The following TAFA3 variants were observed in gnomAD, a reference collection of about 807,000 sequenced individuals.
TAFA3 encodes the protein chemokine-like protein TAFA-3.
Under a neutral mutation model 20.7 loss-of-function variants are expected in TAFA3, and 17 were observed. The observed-to-expected ratio is 0.82, with a 90% CI of 0.56 to 1.23. TAFA3 has a LOEUF of 1.23. Ranked by LOEUF, TAFA3 falls within the 50% of genes most tolerant of loss-of-function variation. TAFA3 has a pLI of 0.00. For synonymous variants in TAFA3, 74 were observed against 71.8 expected (o/e 1.03, Z -0.16); for missense variants, 174 against 172.8 (o/e 1.01, Z -0.04).
intron 5 of TAFA3, 69 bp from the exon 6 acceptor site, chr1:112,726,560 T>G: frequency 6.5e-7 from 1 of 1,535,506 alleles, no homozygotes; most frequent in Non-Finnish European, 9.0e-7. Flanking sequence ...ATATTCTGGG[T>G]AGTCTCTGGC....
At position 112,719,014 on chromosome 1, in the gene TAFA3, G is replaced by A. The variant is rs1014838685; in HGVS notation, c.-345G>A. Among the ~76,000 whole-genome samples the A allele has an allele frequency of 6.6e-5, 10 of 152,226 alleles. No homozygotes were observed. Among genetic ancestry groups the A allele is most frequent in the Non-Finnish European group, 1.3e-4 (9 of 68,030 alleles). On this transcript the variant is annotated 5_prime_UTR_variant, in exon 1 of 6. Transcript: ENST00000361886. ...TGCGCGCTCCCCGGCCTGCCGGCAG[G>A]AACCTTGGAAAAAACCCGGCTGAGT...
intron 4 of TAFA3, chr1:112,723,803 C>T (rs1485519104): frequency 3.5e-6 from 3 of 855,372 alleles, no homozygotes; most frequent in African/African-American, 1.7e-5. Flanking sequence ...ATGCAGGGAT[C>T]GGTGGGATTA....
Position 112,726,683 on chromosome 1 carries a change from C to G in TAFA3, c.*43C>G. On this transcript the variant is annotated 3_prime_UTR_variant, in exon 6 of 6. Coordinates refer to ENST00000361886, the MANE Select transcript of TAFA3 (RefSeq NM_182759.3). ...CTGGACAAGAAAGGCTTGACTGAGC[C>G]GTGAACTGAAGAATGGTATCCAGTC... 1 of 1,613,816 alleles carries G rather than the reference C, an allele frequency of 6.2e-7. No homozygotes were observed.
intron 2 of TAFA3, among the ~76,000 whole-genome samples, chr1:112,721,066 G>A (rs114944092): frequency 0.012 from 1,858 of 152,332 alleles, 34 homozygotes; most frequent in African/African-American, 0.042. Flanking sequence ...CAAGTCATTT[G>A]ACTTCTGTTA....
At chr1:112,724,877 C>T (rs1675432315) in intron 5 of TAFA3, among the ~76,000 whole-genome samples, 1 of 141,444 alleles carries the variant, frequency 7.1e-6, no homozygotes, top group African/African-American at 2.6e-5. Context: ...CCCAGCCATC[C>T]TATTACTGGT....
Position 112,724,048 on chromosome 1 carries a change from G to A in TAFA3, c.301G>A (p.Glu101Lys). ...CCTGCAGAGATGGTGGTGTCAGATG[G>A]AGCCCTGCCTGCCGGGGGAGGAGTG... ...IVLQRWWCQMEPCLPGEECKV... is the reference protein window; with the variant it reads ...IVLQRWWCQMKPCLPGEECKV... The change falls in exon 5 of 6, where the codon GAG becomes AAG. Residue 101 changes from glutamate to lysine, a missense_variant. Transcript: ENST00000361886. 6.2e-7 allele frequency: 1 copy of A among 1,613,914 alleles called. No homozygotes were observed. The highest frequency in any genetic ancestry group is 8.5e-7 in the Non-Finnish European group (1 of 1,179,986).
rs148909404 is a variant in TAFA3, at chr1:112,721,052, T to A, written c.-2+418T>A. On this transcript the variant is annotated intron_variant, in intron 2 of 5. Coordinates refer to ENST00000361886, the MANE Select transcript of TAFA3 (RefSeq NM_182759.3). ...CTTCCACCCACATGCTGCCTGGCCT[T>A]GGGCAAGTCATTTGACTTCTGTTAG... is the stretch of plus-strand genomic sequence containing the variant. 4.5e-3 allele frequency among the ~76,000 whole-genome samples: 684 copies of A among 152,342 alleles called. 4 individuals are homozygous for A. Among genetic ancestry groups the A allele is most frequent in the Non-Finnish European group, 6.5e-3 (444 of 68,022 alleles).
intron 2 of TAFA3, among the ~76,000 whole-genome samples, 167 bp downstream of exon 2, chr1:112,720,801 T>C (rs1016558765): frequency 2.0e-5 from 3 of 152,218 alleles, no homozygotes; most frequent in African/African-American, 7.2e-5. Context: ...CCCTGAGCTT[T>C]TGGCCTTGCT....
In TAFA3 at chr1:112,719,090, G is replaced by A. The variant is rs1008561464; in HGVS notation, c.-269G>A. 2.6e-5 allele frequency among the ~76,000 whole-genome samples: 4 copies of A among 152,208 alleles called. No individual in the cohort carries two copies. Among genetic ancestry groups the A allele is most frequent in the Admixed American group, 6.5e-5 (1 of 15,288 alleles). ...CAGAGCTCCCCTGTGCCCAGAGCCC[G>A]GCCCGCCCTGCGGATGATGCCAACC... On this transcript the variant is annotated 5_prime_UTR_variant, in exon 1 of 6. Transcript: ENST00000361886.
intron 1 of TAFA3, among the ~76,000 whole-genome samples, chr1:112,719,638 T>C (rs1393495099): frequency 6.6e-6 from 1 of 151,998 alleles, no homozygotes; most frequent in Non-Finnish European, 1.5e-5. Flanking sequence ...TTTTGGGCCT[T>C]GGGGTTCCTA....
At chr1:112,726,566 C>G (rs748977780) in intron 5 of TAFA3, 63 bp from the exon 6 acceptor site, 53 of 1,574,048 alleles carry the variant, frequency 3.4e-5, no homozygotes, top group Non-Finnish European at 4.0e-5. Flanking sequence ...TGGGTAGTCT[C>G]TGGCATGCTG....
rs1265366029 is a variant in TAFA3 at position 112,719,234 on chromosome 1, C to G, written c.-125C>G. On this transcript the variant is annotated 5_prime_UTR_variant, in exon 1 of 6. Coordinates refer to ENST00000361886, the MANE Select transcript of TAFA3 (RefSeq NM_182759.3). ...AAGTCTGTCTTTCGGAGTGCTGGTC[C>G]CTGGCTCAGTGGCAAGGAAGACTTC... Among the ~76,000 whole-genome samples, 2 of 152,210 alleles carry G rather than the reference C, an allele frequency of 1.3e-5. No individual in the cohort carries two copies. Among genetic ancestry groups the G allele is most frequent in the Non-Finnish European group, 2.9e-5 (2 of 68,040 alleles).
chr1:112,724,929 A>G (rs1170189008), intron 5 of TAFA3, among the ~76,000 whole-genome samples: 1 of 151,960 alleles, frequency 6.6e-6, no homozygotes, highest in East Asian at 1.9e-4. Flanking sequence ...AAAAAGACAC[A>G]TGCACTTGTA....
intron 4 of TAFA3, 196 bp from the exon 5 acceptor site, chr1:112,723,817 T>C (rs1675390963): frequency 2.9e-6 from 3 of 1,029,176 alleles, no homozygotes; most frequent in Non-Finnish European, 2.9e-6. Context: ...GGGATTAAAG[T>C]TGAGAGGGTT....
intron 1 of TAFA3, 22 bp from the exon 2 acceptor site, chr1:112,720,555 T>C (rs1439434550): frequency 2.0e-5 from 3 of 152,328 alleles, no homozygotes; most frequent in Non-Finnish European, 4.4e-5. Flanking sequence ...CAACCCCCTA[T>C]GAATCTTTCC....
At position 112,723,178 on chromosome 1, in the gene TAFA3, C is replaced by G; in HGVS notation, c.265+13C>G. On this transcript the variant is annotated intron_variant, in intron 4 of 5. Transcript: ENST00000361886. ...TCCTGCGTGGACGGTGAGTGAGAGG[C>G]CAGGACCCGGGCAGGGCCCTGAGCA... 6.2e-7 allele frequency: 1 copy of G among 1,611,038 alleles called. No homozygotes were observed. Among genetic ancestry groups the G allele is most frequent in the Non-Finnish European group, 8.5e-7 (1 of 1,179,192 alleles).
chr1:112,723,050 G>C lies in TAFA3; in HGVS notation c.150G>C (p.Ala50=), dbSNP rs767001400. ...LVQQGTCEVI[A]AHRCCNRNRI... is the part of the protein sequence containing the mutation. ...AGCAGGGCACCTGCGAGGTGATTGC[G>C]GCTCACCGCTGCTGCAACCGGAACC... is the stretch of plus-strand genomic sequence containing the variant. Residue 50 remains alanine (A), a synonymous_variant, in exon 4 of 6, where the codon GCG becomes GCC. Transcript: ENST00000361886. The C allele has an allele frequency of 1.9e-6, 3 of 1,612,918 alleles. No individual in the cohort carries two copies. The South Asian group carries it at 3.3e-5, about 18-fold the overall frequency.
At chr1:112,724,236 C>G in intron 5 of TAFA3, 99 bp downstream of exon 5, 1 of 1,105,674 alleles carries the variant, frequency 9.0e-7, no homozygotes, top group African/African-American at 1.6e-5. Context: ...TGTCAGTGTC[C>G]CAAGGTGAGA....
chr1:112,726,912 G>T lies in TAFA3; in HGVS notation c.*272G>T. On this transcript the variant is annotated 3_prime_UTR_variant, in exon 6 of 6. Coordinates refer to ENST00000361886, the MANE Select transcript of TAFA3 (RefSeq NM_182759.3). The stretch of plus-strand genomic sequence containing the variant: ...GAATGTCCAGTTGAATTGGAGAGTT[G>T]ATGACAGACAATTTAGATAATTTAG... 1.9e-6 allele frequency: 1 copy of T among 514,362 alleles called. No individual in the cohort carries two copies. The highest frequency in any genetic ancestry group is 3.3e-5 in the East Asian group (1 of 30,694). The allele number at this position is 514,362 out of a possible 1,614,324, so 31.9% of individuals were successfully genotyped here.
Sources: gnomAD v4.1 joint callset for allele counts (sites outside exome capture counted in the v4.1 genomes callset) on GRCh38, gnomAD v4.1.1 for gene constraint, MANE v1.5 for transcripts, NCBI Gene and HGNC (gene_info 2026-07-23, HGNC 2026-07-21) for gene names.